The following SGCZ variants were observed in gnomAD, a reference collection of about 807,000 sequenced individuals.
SGCZ encodes the protein sarcoglycan zeta.
Under a neutral mutation model 41.3 loss-of-function variants are expected in SGCZ, and 40 were observed. The ratio of observed to expected loss-of-function variants is 0.97; its 90% CI spans 0.75 to 1.26. The LOEUF is 1.26. SGCZ is among the 50% of genes most tolerant of loss of function. The probability of loss-of-function intolerance (pLI) is 0.00; values close to 1 mark genes in which losing one functional copy is unlikely to be tolerated. For missense variants in SGCZ, 552 were observed against 369.8 expected (o/e 1.49, Z -4.04); for synonymous variants, 206 against 137.5 (o/e 1.50, Z -3.49).
intron 1 of SGCZ, among the ~76,000 whole-genome samples, chr8:14,711,189 A>G (rs771597684): frequency 2.6e-5 from 4 of 152,220 alleles, no homozygotes; most frequent in Non-Finnish European, 4.4e-5. Flanking sequence ...ATGTTAAAAC[A>G]TTAAAAATTA....
At chr8:15,181,569 C>T (rs1800181162) in intron 1 of SGCZ, among the ~76,000 whole-genome samples, 1 of 152,124 alleles carries the variant, frequency 6.6e-6, no homozygotes, top group Admixed American at 6.6e-5. Context: ...CAAATAAGTG[C>T]TTGTGTCTTT....
chr8:14,754,730 C>T (rs1799603906), intron 1 of SGCZ, among the ~76,000 whole-genome samples: 1 of 152,086 alleles, frequency 6.6e-6, no homozygotes, highest in Non-Finnish European at 1.5e-5. Context: ...TGTTTTGACA[C>T]ATAGTCTTAA....
At chr8:14,127,374 T>A (rs760251364) in intron 5 of SGCZ, among the ~76,000 whole-genome samples, 1 of 152,182 alleles carries the variant, frequency 6.6e-6, no homozygotes, top group East Asian at 1.9e-4. Flanking sequence ...GTTTTGTCAG[T>A]GGCAAAGCAT....
intron 2 of SGCZ, among the ~76,000 whole-genome samples, chr8:14,529,856 A>G (rs1489295255): frequency 6.6e-6 from 1 of 152,094 alleles, no homozygotes; most frequent in Admixed American, 6.6e-5. Flanking sequence ...ATTTAAATAT[A>G]TTAGTGTGCA....
chr8:14,266,376 T>A (rs1799866586), intron 3 of SGCZ, among the ~76,000 whole-genome samples: 1 of 152,066 alleles, frequency 6.6e-6, no homozygotes, highest in African/African-American at 2.4e-5. Flanking sequence ...TTTCACACAC[T>A]TCCACAGAAG....
intron 1 of SGCZ, among the ~76,000 whole-genome samples, chr8:14,858,827 G>A (rs1168737883): frequency 5.3e-5 from 8 of 151,906 alleles, no homozygotes; most frequent in Admixed American, 2.0e-4. Context: ...ATGCCTAACC[G>A]GTTTAACAAA....
intron 3 of SGCZ, among the ~76,000 whole-genome samples, chr8:14,241,435 GTATA>G (rs1225945916): frequency 6.8e-6 from 1 of 147,816 alleles, no homozygotes; most frequent in Non-Finnish European, 1.5e-5. Context: ...TGATAAGCTA[GTATA>G]AATATATAAA....
chr8:15,013,429 C>A (rs1025474057), intron 1 of SGCZ, among the ~76,000 whole-genome samples: 6 of 152,128 alleles, frequency 3.9e-5, no homozygotes, highest in African/African-American at 1.4e-4. Context: ...GCATCTATAA[C>A]GGAAAGGAAT....
chr8:14,182,023 G>C (rs1438501564), intron 4 of SGCZ, among the ~76,000 whole-genome samples: 2 of 152,092 alleles, frequency 1.3e-5, no homozygotes, highest in Non-Finnish European at 2.9e-5. Flanking sequence ...TTTACTAGCA[G>C]GCATCATAAA....
chr8:15,073,910 C>T (rs1467292569), intron 1 of SGCZ, among the ~76,000 whole-genome samples: 2 of 152,144 alleles, frequency 1.3e-5, no homozygotes, highest in Non-Finnish European at 2.9e-5. Flanking sequence ...CATCAACAGC[C>T]TCTGTATGTG....
chr8:14,216,600 G>T (rs1806001381), intron 4 of SGCZ, among the ~76,000 whole-genome samples: 2 of 152,164 alleles, frequency 1.3e-5, no homozygotes, highest in East Asian at 1.9e-4. Context: ...GTATGCCAGG[G>T]TGGTTCAACT....
intron 1 of SGCZ, among the ~76,000 whole-genome samples, chr8:15,064,822 A>G (rs1363942844): frequency 2.0e-5 from 3 of 152,102 alleles, no homozygotes; most frequent in Admixed American, 6.5e-5. Context: ...GGCAATACTC[A>G]TAGTCTCAGT....
intron 2 of SGCZ, among the ~76,000 whole-genome samples, chr8:14,360,536 G>A (rs994673134): frequency 1.3e-5 from 2 of 152,052 alleles, no homozygotes; most frequent in Non-Finnish European, 2.9e-5. Context: ...ATGTTGGCCA[G>A]GCTGGTCTCG....
chr8:14,654,172 T>C (rs1034961016), intron 1 of SGCZ, among the ~76,000 whole-genome samples: 1 of 151,928 alleles, frequency 6.6e-6, no homozygotes, highest in African/African-American at 2.4e-5. Context: ...CCATAGCATT[T>C]ATTCTAAAAT....
chr8:15,234,198 G>A (rs965052668), intron 1 of SGCZ, among the ~76,000 whole-genome samples: 1 of 152,128 alleles, frequency 6.6e-6, no homozygotes, highest in South Asian at 2.1e-4. Flanking sequence ...AGAGAGCAAC[G>A]ATGGAGCTAA....
chr8:15,238,153 A>C lies in SGCZ; in HGVS notation c.-530T>G, dbSNP rs1395682222. 6.5e-6 allele frequency: 1 copy of C among 152,758 alleles called. No homozygotes were observed. Among genetic ancestry groups the C allele is most frequent in the Non-Finnish European group, 1.5e-5 (1 of 68,496 alleles). 9.5% of individuals were successfully genotyped at this position (152,758 alleles called of 1,614,324 possible). On this transcript the variant is annotated 5_prime_UTR_variant, in exon 1 of 8. Coordinates refer to ENST00000382080, the MANE Select transcript of SGCZ (RefSeq NM_139167.4). Reference sequence around the variant, plus strand: ...ATTAGCAATGATCAGTTTCCCCGGCAAGATAACAGAATCCCCGAAGTCCTG... The same window carrying C: ...ATTAGCAATGATCAGTTTCCCCGGCCAGATAACAGAATCCCCGAAGTCCTG...
intron 1 of SGCZ, among the ~76,000 whole-genome samples, chr8:14,796,500 A>T (rs1165335450): frequency 6.6e-6 from 1 of 152,184 alleles, no homozygotes; most frequent in African/African-American, 2.4e-5. Flanking sequence ...CACTTTTGAA[A>T]CATTAACTTT....
At chr8:14,678,689 T>A (rs543209084) in intron 1 of SGCZ, among the ~76,000 whole-genome samples, 3 of 152,186 alleles carry the variant, frequency 2.0e-5, no homozygotes, top group African/African-American at 7.2e-5. Flanking sequence ...TCCACGGTCT[T>A]CCTCAAAAGG....
chr8:14,652,346 A>G (rs79532091), intron 1 of SGCZ, among the ~76,000 whole-genome samples: 699 of 50,720 alleles, frequency 0.014, 7 homozygotes, highest in Middle Eastern at 0.023. Flanking sequence ...AAAAAAAAAA[A>G]GGGGGGGGTG....
Sources: gnomAD v4.1 joint callset for allele counts (sites outside exome capture counted in the v4.1 genomes callset) on GRCh38, gnomAD v4.1.1 for gene constraint, MANE v1.5 for transcripts, NCBI Gene and HGNC (gene_info 2026-07-23, HGNC 2026-07-21) for gene names.